AGBL4: variants seen among roughly 807,000 people sequenced by gnomAD.
AGBL4 encodes the protein cytosolic carboxypeptidase 6.
AGBL4 carries 58 observed loss-of-function variants against 66.4 expected under a neutral mutation model. The observed-to-expected ratio is 0.87, with a 90% CI of 0.71 to 1.09. AGBL4 has a LOEUF of 1.09. Among genes scored for constraint, AGBL4 ranks in the 50% least tolerant of loss-of-function variants. The pLI is 0.00. For missense variants in AGBL4, 579 were observed against 631.0 expected (o/e 0.92, Z 0.88); for synonymous variants, 234 against 222.9 (o/e 1.05, Z -0.44).
At chr1:48,904,217 T>G (rs929692666) in intron 5 of AGBL4, among the ~76,000 whole-genome samples, 1 of 152,152 alleles carries the variant, frequency 6.6e-6, no homozygotes, top group Non-Finnish European at 1.5e-5. Flanking sequence ...AGGCAGAGGT[T>G]GCAGTGAGCC....
At chr1:49,085,013 A>G (rs957050605) in intron 4 of AGBL4, among the ~76,000 whole-genome samples, 1 of 152,178 alleles carries the variant, frequency 6.6e-6, no homozygotes, top group Non-Finnish European at 1.5e-5. Flanking sequence ...GGATGCTGAC[A>G]GCTAGTGAAA....
At chr1:48,647,584 T>C (rs1007583832) in intron 8 of AGBL4, 4 of 453,440 alleles carry the variant, frequency 8.8e-6, no homozygotes, top group Middle Eastern at 3.3e-4. Context: ...CGTGGCTCTA[T>C]GGAATACACA....
intron 3 of AGBL4, among the ~76,000 whole-genome samples, chr1:49,407,689 A>G (rs1361707991): frequency 2.6e-5 from 4 of 152,214 alleles, no homozygotes; most frequent in Non-Finnish European, 5.9e-5. Context: ...AAAAAGAGGA[A>G]CACTTTTTAA....
intron 4 of AGBL4, among the ~76,000 whole-genome samples, chr1:49,085,109 G>T (rs1055278300): frequency 1.3e-5 from 2 of 152,096 alleles, no homozygotes; most frequent in Non-Finnish European, 2.9e-5. Context: ...AATAACCTAC[G>T]CAGGTGGACA....
At position 48,709,101 on chromosome 1, in the gene AGBL4, C is replaced by T. The variant is rs148121275; in HGVS notation, c.635-45860G>A. On this transcript the variant is annotated intron_variant, in intron 6 of 13. Transcript: ENST00000371839. ...CTATCACTAAAAGGAAGGGCTCTTA[C>T]TTGGATAAGGTTCCCCTCCACAGTG... 6.2e-4 allele frequency among the ~76,000 whole-genome samples: 94 copies of T among 152,340 alleles called. 2 individuals carry two copies. The East Asian group carries it at 0.014, about 22-fold the overall frequency.
intron 4 of AGBL4, among the ~76,000 whole-genome samples, chr1:49,059,981 T>A (rs371272964): frequency 2.6e-5 from 4 of 152,290 alleles, no homozygotes; most frequent in Admixed American, 6.5e-5. Flanking sequence ...TGACACTTTG[T>A]TCCTGGACAT....
chr1:49,980,874 A>C (rs990713985), intron 1 of AGBL4, among the ~76,000 whole-genome samples: 1 of 152,194 alleles, frequency 6.6e-6, no homozygotes, highest in Non-Finnish European at 1.5e-5. Flanking sequence ...ATTGTATGGC[A>C]TATTAACTGC....
chr1:48,701,230 C>T (rs1015042588), intron 6 of AGBL4, among the ~76,000 whole-genome samples: 1 of 152,120 alleles, frequency 6.6e-6, no homozygotes, highest in Non-Finnish European at 1.5e-5. Flanking sequence ...TCAGACCTCT[C>T]TTGCTTCTCT....
At chr1:49,367,970 C>G (rs2148547380) in intron 3 of AGBL4, among the ~76,000 whole-genome samples, 1 of 152,246 alleles carries the variant, frequency 6.6e-6, no homozygotes, top group East Asian at 1.9e-4. Context: ...CTTTCTGTCT[C>G]TATGGATTTG....
At chr1:49,934,428 A>C (rs909719936) in intron 1 of AGBL4, among the ~76,000 whole-genome samples, 2 of 152,226 alleles carry the variant, frequency 1.3e-5, no homozygotes. Context: ...AAGAAAACTG[A>C]AGTCACATCA....
intron 9 of AGBL4, among the ~76,000 whole-genome samples, chr1:48,591,984 T>G (rs536180386): frequency 2.6e-5 from 4 of 152,222 alleles, no homozygotes; most frequent in Non-Finnish European, 5.9e-5. Context: ...CATACTGTAA[T>G]GGACTGACTG....
intron 6 of AGBL4, among the ~76,000 whole-genome samples, chr1:48,815,226 A>G (rs1300635840): frequency 6.6e-6 from 1 of 152,176 alleles, no homozygotes; most frequent in Non-Finnish European, 1.5e-5. Context: ...TCATTTGCTC[A>G]TCTTTTGTTG....
intron 3 of AGBL4, among the ~76,000 whole-genome samples, chr1:49,383,066 A>T (rs1394559615): frequency 6.6e-6 from 1 of 152,208 alleles, no homozygotes; most frequent in Non-Finnish European, 1.5e-5. Context: ...ATAAATAATA[A>T]AACTCTTATG....
chr1:49,029,821 G>T (rs1366566968), intron 5 of AGBL4, among the ~76,000 whole-genome samples: 1 of 152,116 alleles, frequency 6.6e-6, no homozygotes, highest in Non-Finnish European at 1.5e-5. Context: ...ACTGGCACAA[G>T]GATAGACATA....
chr1:48,650,196 A>C (rs1169390464), intron 8 of AGBL4, among the ~76,000 whole-genome samples: 2 of 152,176 alleles, frequency 1.3e-5, no homozygotes, highest in Non-Finnish European at 2.9e-5. Flanking sequence ...TGCAGAGAGG[A>C]GCAGGGCTAG....
intron 5 of AGBL4, among the ~76,000 whole-genome samples, chr1:48,880,194 C>T (rs545324956): frequency 1.3e-5 from 2 of 152,256 alleles, no homozygotes; most frequent in East Asian, 3.9e-4. Context: ...TTAGCTACCA[C>T]TTATGAGTGA....
At chr1:48,609,511 T>A (rs1645204615) in intron 9 of AGBL4, among the ~76,000 whole-genome samples, 1 of 152,196 alleles carries the variant, frequency 6.6e-6, no homozygotes, top group Non-Finnish European at 1.5e-5. Context: ...AGCCTTGACC[T>A]CCTGGGCTCA....
At chr1:49,035,566 C>T (rs911716166) in intron 5 of AGBL4, among the ~76,000 whole-genome samples, 1 of 152,128 alleles carries the variant, frequency 6.6e-6, no homozygotes, top group Admixed American at 6.6e-5. Flanking sequence ...TGAGCCCACT[C>T]ACCCACCTCC....
At chr1:49,168,526 A>G (rs1646675070) in intron 4 of AGBL4, among the ~76,000 whole-genome samples, 1 of 152,076 alleles carries the variant, frequency 6.6e-6, no homozygotes, top group South Asian at 2.1e-4. Context: ...GAGGCTTTTG[A>G]GCTCCTTTGC....
Sources: gnomAD v4.1 joint callset for allele counts (sites outside exome capture counted in the v4.1 genomes callset) on GRCh38, gnomAD v4.1.1 for gene constraint, MANE v1.5 for transcripts, NCBI Gene and HGNC (gene_info 2026-07-23, HGNC 2026-07-21) for gene names.